ASTN2: variants seen among roughly 807,000 people sequenced by gnomAD.
The protein encoded by ASTN2 is astrotactin 2.
Under a neutral mutation model 139.8 loss-of-function variants are expected in ASTN2, and 54 were observed. The ratio of observed to expected loss-of-function variants is 0.39; its 90% CI spans 0.31 to 0.48. The LOEUF is 0.48. ASTN2 is among the 20% of genes least tolerant of loss of function. The probability of loss-of-function intolerance (pLI) is 0.95; values close to 1 mark genes in which losing one functional copy is unlikely to be tolerated. For synonymous variants in ASTN2, 756 were observed against 719.5 expected, an observed-to-expected ratio of 1.05 and a Z score of -0.81; for missense variants, 1,565 against 1,725.1, an observed-to-expected ratio of 0.91 and a Z score of 1.64.
intron 16 of ASTN2, among the ~76,000 whole-genome samples, chr9:116,684,721 CAAG>C (rs1564204473): frequency 6.6e-6 from 1 of 152,182 alleles, no homozygotes; most frequent in East Asian, 1.9e-4. Context: ...CCCCTGTCAG[CAAG>C]AAGAACCCAG....
intron 16 of ASTN2, among the ~76,000 whole-genome samples, chr9:116,669,879 C>T (rs1859087441): frequency 6.6e-6 from 1 of 151,086 alleles, no homozygotes; most frequent in African/African-American, 2.4e-5. Flanking sequence ...GATCTTGGCT[C>T]ACTGCAACCT....
intron 13 of ASTN2, among the ~76,000 whole-genome samples, chr9:116,779,146 G>C (rs941229596): frequency 6.6e-6 from 1 of 152,012 alleles, no homozygotes; most frequent in Admixed American, 6.6e-5. Context: ...GTTATGGTCT[G>C]TCCCCAAAAC....
At chr9:116,773,405 C>T (rs1335321499) in intron 13 of ASTN2, among the ~76,000 whole-genome samples, 1 of 152,020 alleles carries the variant, frequency 6.6e-6, no homozygotes, top group Non-Finnish European at 1.5e-5. Context: ...TCTGTGGATT[C>T]TAAGAAGGAA....
chr9:117,068,252 T>C (rs373264021), intron 5 of ASTN2, among the ~76,000 whole-genome samples: 10,240 of 81,144 alleles, frequency 0.13, 1,073 homozygotes, highest in South Asian at 0.27. Flanking sequence ...TTTTTCTGCA[T>C]CTATTGAGAT....
chr9:116,812,191 T>C (rs1831184132), intron 12 of ASTN2, among the ~76,000 whole-genome samples: 1 of 152,156 alleles, frequency 6.6e-6, no homozygotes, highest in African/African-American at 2.4e-5. Context: ...TAACCTGTAA[T>C]AGGTAGAATA....
intron 19 of ASTN2, among the ~76,000 whole-genome samples, chr9:116,511,952 A>C (rs553812707): frequency 1.6e-4 from 25 of 151,956 alleles, no homozygotes; most frequent in Non-Finnish European, 2.4e-4. Context: ...TTCAAAAAAC[A>C]AGCTCCTGGA....
intron 3 of ASTN2, among the ~76,000 whole-genome samples, chr9:117,184,445 T>C (rs2132952442): frequency 6.6e-6 from 1 of 152,280 alleles, no homozygotes; most frequent in South Asian, 2.1e-4. Flanking sequence ...AGGGAAATCA[T>C]GAGGAAGTGA....
At chr9:116,604,408 A>G (rs143670473) in intron 19 of ASTN2, among the ~76,000 whole-genome samples, 155 of 152,226 alleles carry the variant, frequency 1.0e-3, no homozygotes, top group African/African-American at 3.6e-3. Flanking sequence ...GATGTTTGCA[A>G]TCATGTGGGT....
chr9:116,852,262 C>T lies in ASTN2; in HGVS notation c.2040+11321G>A, dbSNP rs114418298. ...CATGCCTGGCTACTTTCACTGGGTC[C>T]GGCCAACAATATTGTAAGGTGCAGG... On this transcript the variant is annotated intron_variant, in intron 11 of 22. Coordinates refer to ENST00000313400, the MANE Select transcript of ASTN2 (RefSeq NM_001365068.1). Among the ~76,000 whole-genome samples the T allele has an allele frequency of 2.4e-3, 366 of 152,286 alleles. 1 individual carries two copies. The highest frequency in any genetic ancestry group is 8.5e-3 in the African/African-American group (355 of 41,548).
chr9:116,499,482 C>T (rs1054262513), intron 19 of ASTN2, among the ~76,000 whole-genome samples: 4 of 152,134 alleles, frequency 2.6e-5, no homozygotes, highest in African/African-American at 9.7e-5. Flanking sequence ...AGTTTAGGGC[C>T]CCTCAACTGA....
At chr9:116,442,603 C>T (rs1564280098) in intron 20 of ASTN2, 50 bp from the exon 21 acceptor site, 1 of 1,489,686 alleles carries the variant, frequency 6.7e-7, no homozygotes, top group Non-Finnish European at 9.4e-7. Context: ...TCACAGAAGG[C>T]CCTGGGAGTT....
At chr9:116,971,825 C>A (rs1017856600) in intron 10 of ASTN2, among the ~76,000 whole-genome samples, 2 of 152,328 alleles carry the variant, frequency 1.3e-5, no homozygotes, top group Non-Finnish European at 2.9e-5. Flanking sequence ...ACTTAATCTT[C>A]ATCACTCCAT....
chr9:117,352,976 C>T (rs1233744488), intron 1 of ASTN2, among the ~76,000 whole-genome samples: 1 of 151,834 alleles, frequency 6.6e-6, no homozygotes, highest in Non-Finnish European at 1.5e-5. Context: ...TCATAAGGAC[C>T]GAAAATAGAT....
intron 5 of ASTN2, among the ~76,000 whole-genome samples, chr9:117,080,575 A>AT (rs1382224086): frequency 6.6e-6 from 1 of 151,994 alleles, no homozygotes; most frequent in Non-Finnish European, 1.5e-5. Context: ...TGGGGAAAAA[A>AT]TGAAATGAGC....
intron 1 of ASTN2, among the ~76,000 whole-genome samples, chr9:117,323,983 T>C (rs1022001806): frequency 6.6e-6 from 1 of 152,032 alleles, no homozygotes; most frequent in Admixed American, 6.6e-5. Context: ...CAATGATAAA[T>C]AAGACATATG....
chr9:116,914,706 G>T (rs1422251110), intron 10 of ASTN2, among the ~76,000 whole-genome samples: 3 of 152,034 alleles, frequency 2.0e-5, no homozygotes, highest in East Asian at 1.9e-4. Flanking sequence ...ACCCTGGGTG[G>T]CAGGACCAAG....
intron 1 of ASTN2, among the ~76,000 whole-genome samples, chr9:117,340,446 C>T (rs1003040196): frequency 5.9e-5 from 9 of 151,574 alleles, no homozygotes; most frequent in African/African-American, 1.5e-4. Flanking sequence ...GAAAAATGCC[C>T]GGTGCACCCT....
chr9:117,158,583 A>G (rs572515005), intron 3 of ASTN2, among the ~76,000 whole-genome samples: 11 of 152,134 alleles, frequency 7.2e-5, no homozygotes, highest in Non-Finnish European at 1.3e-4. Flanking sequence ...TCATGGCATG[A>G]ATAAATTTCC....
intron 16 of ASTN2, among the ~76,000 whole-genome samples, chr9:116,701,679 G>T (rs754182702): frequency 5.3e-5 from 8 of 152,188 alleles, no homozygotes; most frequent in Non-Finnish European, 1.0e-4. Context: ...ATCTAAACCA[G>T]TCATGCCTTT....
Sources: gnomAD v4.1 joint callset for allele counts (sites outside exome capture counted in the v4.1 genomes callset) on GRCh38, gnomAD v4.1.1 for gene constraint, MANE v1.5 for transcripts, NCBI Gene and HGNC (gene_info 2026-07-23, HGNC 2026-07-21) for gene names.